The following CFTR variants were observed in gnomAD, a reference collection of about 807,000 sequenced individuals.
CFTR encodes CF transmembrane conductance regulator.
Under a neutral mutation model 171.6 loss-of-function variants are expected in CFTR, and 181 were observed. The observed-to-expected ratio is 1.05, with a 90% CI of 0.93 to 1.19. The LOEUF (loss-of-function observed/expected upper bound fraction) is 1.19, where lower values mean the gene tolerates loss of function less well. CFTR is among the 50% of genes most tolerant of loss of function. The pLI is 0.00. For synonymous variants in CFTR, 583 were observed against 608.0 expected (o/e 0.96, Z 0.60); for missense variants, 1,968 against 1,734.7 (o/e 1.13, Z -2.39).
At chr7:117,624,754 C>T (rs1361817241) in intron 21 of CFTR, among the ~76,000 whole-genome samples, 4 of 152,160 alleles carry the variant, frequency 2.6e-5, no homozygotes, top group Admixed American at 2.6e-4. Context: ...TCTATGGCTA[C>T]TGTTTTTGCA....
chr7:117,620,388 CT>C (rs1792555940), intron 21 of CFTR, among the ~76,000 whole-genome samples: 1 of 152,188 alleles, frequency 6.6e-6, no homozygotes, highest in African/African-American at 2.4e-5. Context: ...TCTTCTGGAT[CT>C]TTTTCCCATG....
At chr7:117,521,065 G>A (rs1584781107) in intron 3 of CFTR, among the ~76,000 whole-genome samples, 1 of 151,942 alleles carries the variant, frequency 6.6e-6, no homozygotes, top group South Asian at 2.1e-4. Context: ...TATATTTTAA[G>A]ATATATATCT....
intron 11 of CFTR, among the ~76,000 whole-genome samples, chr7:117,579,199 G>A (rs531823528): frequency 1.1e-4 from 17 of 151,758 alleles, no homozygotes; most frequent in African/African-American, 2.7e-4. Flanking sequence ...TGAATAAACC[G>A]TTATTGAAGT....
At chr7:117,504,216 A>G (rs991434230) in intron 1 of CFTR, 37 bp from the exon 2 acceptor site, 1 of 1,245,266 alleles carries the variant, frequency 8.0e-7, no homozygotes, top group African/African-American at 1.5e-5. Context: ...TGGAGACCAA[A>G]TCAAGTGAAT....
chr7:117,505,649 C>G (rs1798401984), intron 2 of CFTR, among the ~76,000 whole-genome samples: 1 of 152,186 alleles, frequency 6.6e-6, no homozygotes, highest in Non-Finnish European at 1.5e-5. Context: ...TTGGGCCACT[C>G]ATAGTCTAGA....
Position 117,606,682 on chromosome 7 carries a change from C to A in CFTR, c.2917C>A (p.Leu973Ile). 1 of 1,558,756 alleles carries A rather than the reference C, an allele frequency of 6.4e-7. No homozygotes were observed. The change falls in exon 18 of 27, where the codon CTT (leucine) becomes ATT (isoleucine). Residue 973 changes from leucine to isoleucine, a missense_variant. Physicochemically the swap from Leu to Ile is conservative, Grantham distance 5. Coordinates refer to ENST00000003084, the MANE Select transcript of CFTR (RefSeq NM_000492.4). ...CATCTTGTATATTATAGGTGGGATT[C>A]TTAATAGATTCTCCAAAGATATAGC... The part of the protein sequence containing the change: ...TLNTLKAGGI[L>I]NRFSKDIAIL...
intron 1 of CFTR, among the ~76,000 whole-genome samples, chr7:117,488,367 T>C (rs1352440371): frequency 6.6e-6 from 1 of 152,150 alleles, no homozygotes; most frequent in African/African-American, 2.4e-5. Context: ...TAACTTTTTT[T>C]CGGTAACTGA....
intron 11 of CFTR, among the ~76,000 whole-genome samples, chr7:117,585,736 G>A (rs997966594): frequency 6.6e-6 from 1 of 152,054 alleles, no homozygotes; most frequent in Admixed American, 6.5e-5. Context: ...CGAATTCCTG[G>A]GTTCAAGCAA....
In CFTR at chr7:117,492,994, AAAATT is replaced by A. The variant is rs1798185127; in HGVS notation, c.54-11256_54-11252del. Among the ~76,000 whole-genome samples, 3 of 152,082 alleles carry A rather than the reference AAAATT, an allele frequency of 2.0e-5. No individual in the cohort carries two copies. The South Asian group carries it at 6.2e-4, about 31-fold the overall frequency. ...TGATGGTAATAGGATAATCTTTTTA[AAAATT>A]AAGAGCCACCTAATAAATCAATAGT... On this transcript the variant is annotated intron_variant, in intron 1 of 26. Coordinates refer to ENST00000003084, the MANE Select transcript of CFTR (RefSeq NM_000492.4).
chr7:117,597,457 G>T (rs1792149646), intron 15 of CFTR, among the ~76,000 whole-genome samples: 1 of 152,206 alleles, frequency 6.6e-6, no homozygotes, highest in Admixed American at 6.5e-5. Context: ...GAAAGGAGTT[G>T]TCTTGGGCCA....
chr7:117,560,136 A>C (rs1392269478), intron 11 of CFTR, among the ~76,000 whole-genome samples: 1 of 152,160 alleles, frequency 6.6e-6, no homozygotes, highest in African/African-American at 2.4e-5. Context: ...AAAATTGTGA[A>C]GATATTGTAT....
chr7:117,548,128 G>T (rs35693763), intron 9 of CFTR, among the ~76,000 whole-genome samples: 14 of 152,264 alleles, frequency 9.2e-5, no homozygotes, highest in African/African-American at 3.1e-4. Flanking sequence ...TTAAAGAAAT[G>T]CTTTGAGCTT....
chr7:117,596,197 C>T (rs566052143), intron 15 of CFTR, among the ~76,000 whole-genome samples: 8 of 151,944 alleles, frequency 5.3e-5, no homozygotes, highest in African/African-American at 1.2e-4. Flanking sequence ...TGGGCCAGCG[C>T]GAGTTCTGGG....
chr7:117,525,340 G>GA (rs1330682965), intron 3 of CFTR, among the ~76,000 whole-genome samples: 1 of 146,560 alleles, frequency 6.8e-6, no homozygotes. Context: ...GTGTGGTGCT[G>GA]AAAAAAATGT....
chr7:117,645,563 CT>C (rs1318256318), intron 23 of CFTR, among the ~76,000 whole-genome samples: 3 of 152,162 alleles, frequency 2.0e-5, no homozygotes, highest in Non-Finnish European at 1.5e-5. Context: ...GTCATCCTTC[CT>C]TTTTTTCTAC....
chr7:117,516,398 G>A (rs1009222348), intron 3 of CFTR, among the ~76,000 whole-genome samples: 9 of 151,938 alleles, frequency 5.9e-5, no homozygotes, highest in South Asian at 4.1e-4. Flanking sequence ...CATCTTTACC[G>A]TCACTTCCAT....
At chr7:117,623,004 T>C (rs1792604862) in intron 21 of CFTR, among the ~76,000 whole-genome samples, 1 of 152,152 alleles carries the variant, frequency 6.6e-6, no homozygotes, top group South Asian at 2.1e-4. Context: ...TGAGGTCCAG[T>C]TTTAAGGATT....
intron 3 of CFTR, among the ~76,000 whole-genome samples, chr7:117,529,591 A>C (rs1295454479): frequency 6.6e-6 from 1 of 151,910 alleles, no homozygotes; most frequent in Non-Finnish European, 1.5e-5. Flanking sequence ...AAAATAAAAC[A>C]TTGTATATAA....
chr7:117,571,501 C>T (rs1371002871), intron 11 of CFTR, among the ~76,000 whole-genome samples: 2 of 152,088 alleles, frequency 1.3e-5, no homozygotes, highest in African/African-American at 4.8e-5. Context: ...ATCTAAAAAG[C>T]TTTCAGAAAC....
Sources: allele counts gnomAD v4.1 joint callset (sites outside exome capture counted in the v4.1 genomes callset), GRCh38; gene constraint gnomAD v4.1.1; transcripts MANE v1.5; gene names NCBI Gene and HGNC (gene_info 2026-07-23, HGNC 2026-07-21).